The following LGR5 variants were observed in gnomAD, a reference collection of about 807,000 sequenced individuals.
The protein encoded by LGR5 is leucine rich repeat containing G protein-coupled receptor 5.
A neutral mutation model predicts 76.7 loss-of-function variants in LGR5; 54 were observed. The observed-to-expected ratio is 0.70, with a 90% CI of 0.57 to 0.88. The LOEUF (loss-of-function observed/expected upper bound fraction) is 0.88. Ranked by LOEUF, LGR5 falls within the 40% of genes least tolerant of loss-of-function variation. The pLI is 0.00. For missense variants in LGR5, 1,078 were observed against 1,073.3 expected, an observed-to-expected ratio of 1.00 and a Z score of -0.06; for synonymous variants, 406 against 421.9, an observed-to-expected ratio of 0.96 and a Z score of 0.46.
rs79321071 is a variant in LGR5 at position 71,536,999 on chromosome 12, A to G, written c.428+1813A>G. ...CACATCCAAACTAAAGGATCTAGATAGATACTCGGCCCCCAGTTCACACTG... is the reference window on the plus strand; with the variant it reads ...CACATCCAAACTAAAGGATCTAGATGGATACTCGGCCCCCAGTTCACACTG... On this transcript the variant is annotated intron_variant, in intron 4 of 17. Transcript: ENST00000266674. Among the ~76,000 whole-genome samples, 307 of 152,268 alleles carry G rather than the reference A, an allele frequency of 2.0e-3. 4 individuals carry two copies. In the East Asian group the frequency reaches 0.025, roughly 13 times the overall value.
intron 1 of LGR5, among the ~76,000 whole-genome samples, chr12:71,449,872 C>G (rs1872177400): frequency 6.6e-6 from 1 of 152,176 alleles, no homozygotes; most frequent in Non-Finnish European, 1.5e-5. Context: ...AGCTGTATAT[C>G]TAAGGTCACA....
chr12:71,484,170 A>T (rs1293025837), intron 1 of LGR5, among the ~76,000 whole-genome samples: 2 of 152,274 alleles, frequency 1.3e-5, no homozygotes, highest in East Asian at 3.9e-4. Flanking sequence ...GCTAAATAAG[A>T]TTTCCTAAGA....
Position 71,439,918 on chromosome 12 carries a change from T to G in LGR5, c.-163T>G, listed in dbSNP as rs1871671571. The G allele has an allele frequency of 4.9e-6, 3 of 612,960 alleles. No homozygotes were observed. The highest frequency in any genetic ancestry group is 8.1e-6 in the Non-Finnish European group (3 of 369,790). 38.0% of individuals were successfully genotyped at this position (612,960 alleles called of 1,614,324 possible). The stretch of plus-strand genomic sequence containing the variant: ...GGCACCTCTGTCCCCGCCGCGCTTC[T>G]CCTCGCCGCCCACGCCGTGGGGTCA... On this transcript the variant is annotated 5_prime_UTR_variant, in exon 1 of 18. Coordinates refer to ENST00000266674, the MANE Select transcript of LGR5 (RefSeq NM_003667.4).
At chr12:71,476,483 G>A (rs10784919) in intron 1 of LGR5, among the ~76,000 whole-genome samples, 30,761 of 152,078 alleles carry the variant, frequency 0.2, 3,487 homozygotes, top group East Asian at 0.34. Context: ...TGGGTCAAGG[G>A]CAGTGGGATT....
intron 1 of LGR5, among the ~76,000 whole-genome samples, chr12:71,476,230 G>T (rs903409745): frequency 6.6e-6 from 1 of 152,142 alleles, no homozygotes; most frequent in African/African-American, 2.4e-5. Flanking sequence ...AAGGGCTACT[G>T]AAATCCCATC....
intron 3 of LGR5, among the ~76,000 whole-genome samples, chr12:71,526,440 A>G (rs1441154101): frequency 6.6e-6 from 1 of 151,918 alleles, no homozygotes; most frequent in Non-Finnish European, 1.5e-5. Context: ...TCCATCAGAA[A>G]AAAAAAAATG....
chr12:71,458,171 T>C (rs941826048), intron 1 of LGR5, among the ~76,000 whole-genome samples: 3 of 152,138 alleles, frequency 2.0e-5, no homozygotes, highest in African/African-American at 4.8e-5. Flanking sequence ...ACTTCCCTTT[T>C]CAAACTGTTG....
At chr12:71,481,402 C>G (rs1404241880) in intron 1 of LGR5, among the ~76,000 whole-genome samples, 1 of 152,202 alleles carries the variant, frequency 6.6e-6, no homozygotes, top group Non-Finnish European at 1.5e-5. Flanking sequence ...TAGCTTCATC[C>G]ATGTCCCTGC....
chr12:71,501,193 G>A (rs1874583357), intron 1 of LGR5, among the ~76,000 whole-genome samples: 1 of 152,074 alleles, frequency 6.6e-6, no homozygotes, highest in African/African-American at 2.4e-5. Context: ...TGTACCAGGT[G>A]TCAAAAAGAC....
At chr12:71,462,314 T>G (rs1023790775) in intron 1 of LGR5, among the ~76,000 whole-genome samples, 1 of 152,186 alleles carries the variant, frequency 6.6e-6, no homozygotes. Flanking sequence ...TGAATGGCTG[T>G]CATTTAATAT....
rs182124187 is a variant in LGR5, at chr12:71,449,536, G to A, written c.212+9244G>A. On this transcript the variant is annotated intron_variant, in intron 1 of 17. Coordinates refer to ENST00000266674, the MANE Select transcript of LGR5 (RefSeq NM_003667.4). ...GGTCTAGCGGCATGATTAACTGACA[G>A]CAAGTGTCCACCTTCCACCTCCCAG... Among the ~76,000 whole-genome samples the A allele has an allele frequency of 7.9e-5, 12 of 152,254 alleles. No homozygotes were observed. The East Asian group carries it at 1.7e-3, about 22-fold the overall frequency.
chr12:71,519,667 A>C lies in LGR5; in HGVS notation c.285-4739A>C, dbSNP rs189396801. ...AAACAAAAAACAAAAAACAAAAAAA[A>C]CCACAAAAATTAGCCAGGCATGGTG... On this transcript the variant is annotated intron_variant, in intron 2 of 17. Coordinates refer to ENST00000266674, the MANE Select transcript of LGR5 (RefSeq NM_003667.4). Among the ~76,000 whole-genome samples, 879 of 151,776 alleles carry C rather than the reference A, an allele frequency of 5.8e-3. 6 individuals carry two copies. Among genetic ancestry groups the C allele is most frequent in the African/African-American group, 0.02 (828 of 41,350 alleles).
rs556674144 is a variant in LGR5, at chr12:71,556,423, A to G, written c.645-196A>G. Reference sequence around the variant, plus strand: ...ATGTCCTGAAGCTAAAAGGTAAAAAACTGTGACTGTCTTTTAAATTCTGTG... The same window carrying G: ...ATGTCCTGAAGCTAAAAGGTAAAAAGCTGTGACTGTCTTTTAAATTCTGTG... On this transcript the variant is annotated intron_variant, in intron 5 of 17. Coordinates refer to ENST00000266674, the MANE Select transcript of LGR5 (RefSeq NM_003667.4). Among the ~76,000 whole-genome samples, 2 of 152,342 alleles carry G rather than the reference A, an allele frequency of 1.3e-5. 1 individual carries two copies. Among genetic ancestry groups the G allele is most frequent in the South Asian group, 4.1e-4 (2 of 4,824 alleles).
At chr12:71,548,016 C>T (rs187386742) in intron 4 of LGR5, among the ~76,000 whole-genome samples, 62 of 152,088 alleles carry the variant, frequency 4.1e-4, no homozygotes, top group African/African-American at 1.4e-3. Flanking sequence ...GTGCTATTTC[C>T]GATATAGTGA....
At chr12:71,565,422 CTATATA>C (rs1209363296) in intron 8 of LGR5, among the ~76,000 whole-genome samples, 1 of 13,968 alleles carries the variant, frequency 7.2e-5, no homozygotes, top group African/African-American at 9.2e-5. Flanking sequence ...ATCAATTGAG[CTATATA>C]TATATATATA....
intron 4 of LGR5, among the ~76,000 whole-genome samples, chr12:71,536,181 AT>A (rs1876575131): frequency 6.6e-6 from 1 of 152,250 alleles, no homozygotes; most frequent in Admixed American, 6.5e-5. Context: ...AAAAGGGCAA[AT>A]AAATATTGAT....
upstream of LGR5, among the ~76,000 whole-genome samples, chr12:71,439,197 G>C (rs1160676000): frequency 6.6e-6 from 1 of 152,158 alleles, no homozygotes; most frequent in Admixed American, 6.5e-5. Context: ...AGCTGTATTT[G>C]TTTAGCGATT....
At chr12:71,456,392 C>A (rs1385003098) in intron 1 of LGR5, among the ~76,000 whole-genome samples, 1 of 152,104 alleles carries the variant, frequency 6.6e-6, no homozygotes, top group African/African-American at 2.4e-5. Context: ...AGAAAGCTGG[C>A]AGGGTTGTGT....
chr12:71,498,178 G>A (rs17109757), intron 1 of LGR5, among the ~76,000 whole-genome samples: 17,540 of 152,108 alleles, frequency 0.12, 1,120 homozygotes, highest in African/African-American at 0.17. Flanking sequence ...AAATAGGATC[G>A]ACTGAAAAGG....
Sources: gnomAD v4.1 joint callset for allele counts (sites outside exome capture counted in the v4.1 genomes callset) on GRCh38, gnomAD v4.1.1 for gene constraint, MANE v1.5 for transcripts, NCBI Gene and HGNC (gene_info 2026-07-23, HGNC 2026-07-21) for gene names.